RBFOX1: variants seen among roughly 807,000 people sequenced by gnomAD.
RBFOX1 encodes the protein RNA binding protein fox-1 homolog 1.
In RBFOX1, 8 loss-of-function variants were observed where a neutral mutation model predicts 57.7. That is an observed-to-expected ratio of 0.14 (90% confidence interval 0.08 to 0.25). The LOEUF is 0.25. Ranked by LOEUF, RBFOX1 falls within the 10% of genes least tolerant of loss-of-function variation. The pLI, the probability that RBFOX1 is intolerant of heterozygous loss-of-function variation, is 1.00. For missense variants in RBFOX1, 611 were observed against 548.5 expected, an observed-to-expected ratio of 1.11 and a Z score of -1.14; for synonymous variants, 326 against 222.4, an observed-to-expected ratio of 1.47 and a Z score of -4.15.
intron 2 of RBFOX1, among the ~76,000 whole-genome samples, chr16:6,641,383 A>G (rs1360807594): frequency 6.6e-6 from 1 of 152,126 alleles, no homozygotes; most frequent in Non-Finnish European, 1.5e-5. Context: ...TATAAATCCA[A>G]GGGAGCATTG....
chr16:6,792,016 A>C (rs2083060522), intron 3 of RBFOX1, among the ~76,000 whole-genome samples: 1 of 152,160 alleles, frequency 6.6e-6, no homozygotes, highest in African/African-American at 2.4e-5. Context: ...CTGTTTTCCT[A>C]CTTGAAAAAT....
rs190417089 is a variant in RBFOX1 at position 7,330,912 on chromosome 16, G to A, written c.28-187235G>A. On this transcript the variant is annotated intron_variant, in intron 4 of 15. Transcript: ENST00000550418. ...TCCTCCCCGGTAACTTCTCAGAAAT[G>A]TGGTGTTGAAAGTCATCGTCAAAAG... Among the ~76,000 whole-genome samples the A allele has an allele frequency of 2.3e-4, 35 of 152,262 alleles. No homozygotes were observed. In the East Asian group the frequency reaches 6.2e-3, roughly 27 times the overall value.
intron 3 of RBFOX1, among the ~76,000 whole-genome samples, chr16:6,894,782 T>C (rs909276992): frequency 6.6e-6 from 1 of 152,198 alleles, no homozygotes; most frequent in Non-Finnish European, 1.5e-5. Flanking sequence ...TAAAAAGCCA[T>C]TTTCCCTGTG....
chr16:6,835,949 C>G (rs919588463), intron 3 of RBFOX1, among the ~76,000 whole-genome samples: 2 of 151,930 alleles, frequency 1.3e-5, no homozygotes, highest in African/African-American at 4.8e-5. Flanking sequence ...AGCAGCACCT[C>G]CATTCCCATT....
rs2095030803 is a variant in RBFOX1, at chr16:6,019,766, A to C, written c.-353A>C. On this transcript the variant is annotated 5_prime_UTR_variant, in exon 1 of 16. Coordinates refer to ENST00000550418, the MANE Select transcript of RBFOX1 (RefSeq NM_018723.4). This position sits in a 1 kb window ranked among gnomAD's most constrained non-coding sequence, Gnocchi z 4.2. The stretch of plus-strand genomic sequence containing the variant: ...GTCCTTGCGCTCCAGACCCCCACCC[A>C]GTGGCCGCCAGGGTCCCCGCCTGTC... 1 of 1,404,198 alleles carries C rather than the reference A, an allele frequency of 7.1e-7. No homozygotes were observed. The highest frequency in any genetic ancestry group is 9.3e-7 in the Non-Finnish European group (1 of 1,078,224). 87.0% of individuals were successfully genotyped at this position (1,404,198 alleles called of 1,614,324 possible). A position where few individuals can be genotyped will look rare whatever the true frequency, so the allele number is the denominator to read the frequency against.
chr16:6,554,725 GACACACAC>G (rs34699308), intron 2 of RBFOX1, among the ~76,000 whole-genome samples: 116,333 of 148,190 alleles, frequency 0.79, 49,249 homozygotes, highest in Non-Finnish European at 0.94. Context: ...AGTAGACACA[GACACACAC>G]ACACACACAC....
chr16:7,342,034 A>C (rs1025988211), intron 4 of RBFOX1, among the ~76,000 whole-genome samples: 1 of 152,042 alleles, frequency 6.6e-6, no homozygotes, highest in Non-Finnish European at 1.5e-5. Context: ...TCACTTGTTC[A>C]TTCCACATTG....
chr16:7,062,505 C>T (rs1002140518), intron 4 of RBFOX1, among the ~76,000 whole-genome samples: 1 of 152,018 alleles, frequency 6.6e-6, no homozygotes, highest in Admixed American at 6.6e-5. Context: ...TGTCTGCATC[C>T]AACAGACATT....
At chr16:6,010,212 G>A (rs568572132) in intron 4 of RBFOX1, among the ~76,000 whole-genome samples, 7 of 152,170 alleles carry the variant, frequency 4.6e-5, no homozygotes, top group South Asian at 2.1e-4. Context: ...CTCTTTGGTC[G>A]CTGAATTCTG....
intron 1 of RBFOX1, among the ~76,000 whole-genome samples, chr16:5,346,454 A>G (rs970404883): frequency 6.6e-6 from 1 of 152,214 alleles, no homozygotes; most frequent in African/African-American, 2.4e-5. Flanking sequence ...CAAGGGATGC[A>G]TGGGATTTCA....
intron 2 of RBFOX1, among the ~76,000 whole-genome samples, chr16:5,578,021 G>A (rs1362251050): frequency 6.6e-6 from 1 of 152,186 alleles, no homozygotes; most frequent in Non-Finnish European, 1.5e-5. Flanking sequence ...GTGTGATCTT[G>A]GCTCACTGCC....
chr16:5,516,953 A>C (rs909547978), intron 2 of RBFOX1, among the ~76,000 whole-genome samples: 1 of 151,610 alleles, frequency 6.6e-6, no homozygotes, highest in Non-Finnish European at 1.5e-5. Context: ...TCTTAATAGC[A>C]ATGTGAGAAC....
chr16:6,543,410 T>C (rs545028233), intron 2 of RBFOX1, among the ~76,000 whole-genome samples: 3 of 152,224 alleles, frequency 2.0e-5, no homozygotes, highest in Non-Finnish European at 2.9e-5. Flanking sequence ...TGCGCACCTT[T>C]ATTGGGTTGG....
At chr16:6,451,177 C>CT (rs2094613730) in intron 2 of RBFOX1, among the ~76,000 whole-genome samples, 1 of 151,814 alleles carries the variant, frequency 6.6e-6, no homozygotes, top group African/African-American at 2.4e-5. Flanking sequence ...TGCTAAAACT[C>CT]TACCTATTAT....
intron 4 of RBFOX1, among the ~76,000 whole-genome samples, chr16:7,173,403 G>C (rs751377788): frequency 2.6e-5 from 4 of 152,130 alleles, no homozygotes; most frequent in South Asian, 2.1e-4. Flanking sequence ...AGAAACAACA[G>C]GGTATACGTA....
chr16:5,316,319 C>T (rs931704328), intron 1 of RBFOX1, among the ~76,000 whole-genome samples: 1 of 152,160 alleles, frequency 6.6e-6, no homozygotes, highest in African/African-American at 2.4e-5. Context: ...TGGCATTGCA[C>T]CTTCTATAAT....
intron 1 of RBFOX1, among the ~76,000 whole-genome samples, chr16:5,421,129 C>G (rs1487493112): frequency 6.6e-6 from 1 of 151,714 alleles, no homozygotes; most frequent in African/African-American, 2.4e-5. Context: ...ACCTTAGCCT[C>G]GAGAGTAGCT....
intron 4 of RBFOX1, among the ~76,000 whole-genome samples, chr16:7,491,207 C>T (rs374604379): frequency 9.9e-5 from 15 of 152,196 alleles, no homozygotes; most frequent in South Asian, 4.2e-4. Context: ...CTTTGCTTTC[C>T]GGGCATTGCC....
chr16:5,683,292 G>T (rs983936630), intron 3 of RBFOX1, among the ~76,000 whole-genome samples: 2 of 152,144 alleles, frequency 1.3e-5, no homozygotes, highest in East Asian at 3.9e-4. Context: ...CCAATGCCCA[G>T]GTTTAACCCC....
Sources: allele counts gnomAD v4.1 joint callset (sites outside exome capture counted in the v4.1 genomes callset), GRCh38; gene constraint gnomAD v4.1.1; non-coding constraint Gnocchi (gnomAD v3.1); transcripts MANE v1.5; gene names NCBI Gene and HGNC (gene_info 2026-07-23, HGNC 2026-07-21).